ERO1B: variants seen among roughly 807,000 people sequenced by gnomAD.
ERO1B encodes ERO1-like protein beta.
In ERO1B, 49 loss-of-function variants were observed where a neutral mutation model predicts 75.3. The ratio of observed to expected loss-of-function variants is 0.65; its 90% CI spans 0.52 to 0.83. The LOEUF (loss-of-function observed/expected upper bound fraction) is 0.83, where lower values mean the gene tolerates loss of function less well. Among genes scored for constraint, ERO1B ranks in the 40% least tolerant of loss-of-function variants. The pLI is 0.00. For synonymous variants in ERO1B, 191 were observed against 192.9 expected, an observed-to-expected ratio of 0.99 and a Z score of 0.08; for missense variants, 512 against 560.1, an observed-to-expected ratio of 0.91 and a Z score of 0.87.
At chr1:236,222,173 C>A (rs1664164803) in intron 13 of ERO1B, among the ~76,000 whole-genome samples, 163 bp from the exon 14 acceptor site, 1 of 152,094 alleles carries the variant, frequency 6.6e-6, no homozygotes, top group African/African-American at 2.4e-5. Context: ...GCAGTGGTGC[C>A]ATCTCGGCTT....
intron 1 of ERO1B, among the ~76,000 whole-genome samples, chr1:236,273,002 C>T (rs2492376): frequency 0.27 from 40,309 of 152,020 alleles, 6,613 homozygotes; most frequent in Non-Finnish European, 0.37. Flanking sequence ...AGACAGAATG[C>T]CCCACCCCCA....
At position 236,267,255 on chromosome 1, in the gene ERO1B, C is replaced by A. The variant is rs116671202; in HGVS notation, c.222+2620G>T. On this transcript the variant is annotated intron_variant, in intron 2 of 15. Coordinates refer to ENST00000354619, the MANE Select transcript of ERO1B (RefSeq NM_019891.4). ...TTTTATCTTTTCTGAAGTATGTTTC[C>A]TCAGCTTGTCTTTCAATTTTGTTAG... is the stretch of plus-strand genomic sequence containing the variant. Among the ~76,000 whole-genome samples, 957 of 152,206 alleles carry A rather than the reference C, an allele frequency of 6.3e-3. 10 individuals carry two copies. Among genetic ancestry groups the A allele is most frequent in the African/African-American group, 0.022 (918 of 41,540 alleles).
chr1:236,228,313 G>T (rs1439952460), intron 10 of ERO1B, among the ~76,000 whole-genome samples: 1 of 152,144 alleles, frequency 6.6e-6, no homozygotes, highest in Non-Finnish European at 1.5e-5. Context: ...TGAAAAACAG[G>T]TAACTTTAAG....
At chr1:236,220,767 T>A in intron 15 of ERO1B, 65 bp downstream of exon 15, 1 of 1,428,766 alleles carries the variant, frequency 7.0e-7, no homozygotes, top group Non-Finnish European at 9.2e-7. Context: ...GCAAAGAAGA[T>A]TATCTTTGCA....
intron 6 of ERO1B, among the ~76,000 whole-genome samples, chr1:236,242,959 A>T (rs1193748248): frequency 2.0e-5 from 3 of 152,236 alleles, no homozygotes; most frequent in South Asian, 2.1e-4. Flanking sequence ...AAGCATCTTT[A>T]CATGAGTTTG....
intron 15 of ERO1B, 35 bp downstream of exon 15, chr1:236,220,797 G>T: frequency 6.6e-7 from 1 of 1,509,664 alleles, no homozygotes. Context: ...AACCCAATGG[G>T]AAATCAAAAA....
rs768998792 is a variant in ERO1B at position 236,226,477 on chromosome 1, C to G, written c.844G>C (p.Glu282Gln). The change falls in exon 12 of 16, where the codon GAA becomes CAA. Residue 282 changes from glutamate to glutamine, a missense_variant. Coordinates refer to ENST00000354619, the MANE Select transcript of ERO1B (RefSeq NM_019891.4). The stretch of plus-strand genomic sequence containing the variant: ...ACAGGGTCAAAGCGGTGTTTGAATT[C>G]TTTAATATTAGGTCCCCAACTGGGC... ...GKPSWGPNIKEFKHRFDPVET... is the reference protein window; with the variant it reads ...GKPSWGPNIKQFKHRFDPVET... The G allele has an allele frequency of 1.2e-6, 2 of 1,613,996 alleles. No homozygotes were observed. The highest frequency in any genetic ancestry group is 1.1e-5 in the South Asian group (1 of 91,062).
chr1:236,236,232 C>T (rs377058576), intron 7 of ERO1B, 46 bp downstream of exon 7: 137 of 1,609,618 alleles, frequency 8.5e-5, no homozygotes, highest in Non-Finnish European at 1.1e-4. Flanking sequence ...CGGCCTCTCC[C>T]GACCCTCTAT....
At chr1:236,261,072 T>G (rs193030018) in intron 2 of ERO1B, among the ~76,000 whole-genome samples, 1 of 152,300 alleles carries the variant, frequency 6.6e-6, no homozygotes, top group East Asian at 1.9e-4. Context: ...ATGATTATTT[T>G]GATAGATGCA....
In ERO1B at chr1:236,217,596, A is replaced by G. The variant is rs1004484073; in HGVS notation, c.*920T>C. 2.6e-5 allele frequency: 4 copies of G among 152,714 alleles called. No homozygotes were observed. Among genetic ancestry groups the G allele is most frequent in the African/African-American group, 7.2e-5 (3 of 41,588 alleles). The allele number at this position is 152,714 out of a possible 1,614,324, so 9.5% of individuals were successfully genotyped here. A position where few individuals can be genotyped will look rare whatever the true frequency, so the allele number is the denominator to read the frequency against. On this transcript the variant is annotated 3_prime_UTR_variant, in exon 16 of 16. Coordinates refer to ENST00000354619, the MANE Select transcript of ERO1B (RefSeq NM_019891.4). ...AAATAGCAAATTTTGTGTATATAAT[A>G]TTTTCAATTGGCATTATAAATTCAT...
At chr1:236,254,953 T>C (rs182298589) in intron 2 of ERO1B, among the ~76,000 whole-genome samples, 5 of 148,356 alleles carry the variant, frequency 3.4e-5, no homozygotes, top group South Asian at 4.3e-4. Context: ...GACAGAGTCT[T>C]GCTCTGTTAC....
intron 2 of ERO1B, among the ~76,000 whole-genome samples, chr1:236,268,301 G>T (rs944981274): frequency 6.6e-6 from 1 of 152,110 alleles, no homozygotes; most frequent in Admixed American, 6.6e-5. Flanking sequence ...TTAGCCAGGC[G>T]TGGTGGTGGG....
Position 236,230,256 on chromosome 1 carries a change from A to G in ERO1B, c.686-6T>C. 1.3e-6 allele frequency: 2 copies of G among 1,589,830 alleles called. No homozygotes were observed. Among genetic ancestry groups the G allele is most frequent in the Non-Finnish European group, 8.6e-7 (1 of 1,159,778 alleles). ...CCATGTGTAGAATGATTCTCCTGAG[A>G]GAGAGAGAAAAGTGGATTAAAACAT... is the stretch of plus-strand genomic sequence containing the variant. On this transcript the variant is annotated splice_region_variant and splice_polypyrimidine_tract_variant and intron_variant, in intron 9 of 15. Transcript: ENST00000354619.
intron 8 of ERO1B, among the ~76,000 whole-genome samples, chr1:236,233,265 C>T (rs1264325737): frequency 1.3e-5 from 2 of 149,210 alleles, no homozygotes; most frequent in Admixed American, 1.4e-4. Context: ...GCCAAGATCG[C>T]GCCATTGCAC....
At chr1:236,234,110 G>A (rs1325453250) in intron 8 of ERO1B, among the ~76,000 whole-genome samples, 2 of 152,170 alleles carry the variant, frequency 1.3e-5, no homozygotes, top group African/African-American at 4.8e-5. Flanking sequence ...GAGATAGCAG[G>A]TAAATAGCAA....
At chr1:236,246,870 G>A (rs1664898422) in intron 5 of ERO1B, among the ~76,000 whole-genome samples, 1 of 151,934 alleles carries the variant, frequency 6.6e-6, no homozygotes, top group Admixed American at 6.6e-5. Context: ...CACCATATGT[G>A]TATTATACTT....
chr1:236,220,716 T>C lies in ERO1B; in HGVS notation c.1343+116A>G, dbSNP rs917767250. The C allele has an allele frequency of 7.3e-6, 7 of 958,974 alleles. No individual in the cohort carries two copies. The African/African-American group carries it at 7.8e-5, about 11-fold the overall frequency. The allele number at this position is 958,974 out of a possible 1,614,324, so 59.4% of individuals were successfully genotyped here. ...CCTCTCTAAGTTAGTACAGATACAA[T>C]ATAAAATTTTTTTTTGTCAACAAAA... On this transcript the variant is annotated intron_variant, in intron 15 of 15. Coordinates refer to ENST00000354619, the MANE Select transcript of ERO1B (RefSeq NM_019891.4).
chr1:236,268,441 A>C (rs1181280703), intron 2 of ERO1B, among the ~76,000 whole-genome samples: 1 of 151,998 alleles, frequency 6.6e-6, no homozygotes, highest in Non-Finnish European at 1.5e-5. Flanking sequence ...CCCTGTCTAA[A>C]AAAAAACAAA....
intron 5 of ERO1B, among the ~76,000 whole-genome samples, chr1:236,246,466 C>A (rs926593689): frequency 6.6e-6 from 1 of 152,154 alleles, no homozygotes; most frequent in African/African-American, 2.4e-5. Flanking sequence ...GCCACCATGT[C>A]CAACTGTATC....
Sources: gnomAD v4.1 joint callset for allele counts (sites outside exome capture counted in the v4.1 genomes callset) on GRCh38, gnomAD v4.1.1 for gene constraint, MANE v1.5 for transcripts, NCBI Gene and HGNC (gene_info 2026-07-23, HGNC 2026-07-21) for gene names.